The following ATF2 variants were observed in gnomAD, a reference collection of about 807,000 sequenced individuals.
ATF2 encodes the protein activating transcription factor 2.
A neutral mutation model predicts 60.6 loss-of-function variants in ATF2; 24 were observed. That is an observed-to-expected ratio of 0.40 (90% confidence interval 0.29 to 0.56). ATF2 has a LOEUF of 0.56. Ranked by LOEUF, ATF2 falls within the 20% of genes least tolerant of loss-of-function variation. The pLI is 0.54. For synonymous variants in ATF2, 206 were observed against 215.4 expected (o/e 0.96, Z 0.38); for missense variants, 433 against 607.7 (o/e 0.71, Z 3.02).
rs762468263 is a variant in ATF2, at chr2:175,114,121, AAAG to A, written c.627-16_627-14del. The stretch of plus-strand genomic sequence containing the variant: ...GCCTGGTACAGGGCTAAGAAAAACA[AAAG>A]AAGAGAAATTTTAAAAAAGAGATTC... On this transcript the variant is annotated splice_polypyrimidine_tract_variant and intron_variant, in intron 8 of 13. Coordinates refer to ENST00000264110, the MANE Select transcript of ATF2 (RefSeq NM_001880.4). The A allele has an allele frequency of 3.8e-5, 59 of 1,559,978 alleles. 1 individual carries two copies. In the East Asian group the frequency reaches 7.5e-4, roughly 20 times the overall value.
chr2:175,095,489 A>G (rs1694872492), intron 11 of ATF2, among the ~76,000 whole-genome samples: 1 of 152,208 alleles, frequency 6.6e-6, no homozygotes, highest in Admixed American at 6.5e-5. Context: ...TCATTATAGC[A>G]AAGACTAATC....
chr2:175,157,762 A>G (rs1699773464), intron 1 of ATF2, among the ~76,000 whole-genome samples: 1 of 152,180 alleles, frequency 6.6e-6, no homozygotes, highest in Non-Finnish European at 1.5e-5. Context: ...TGGGAGGCCA[A>G]GGTGGGTGGA....
chr2:175,111,386 TA>T (rs1696174359), intron 10 of ATF2, among the ~76,000 whole-genome samples, 181 bp downstream of exon 10: 1 of 152,234 alleles, frequency 6.6e-6, no homozygotes, highest in African/African-American at 2.4e-5. Context: ...AAAGTATCAC[TA>T]ACTACTCACT....
At chr2:175,136,569 C>G (rs1297016998) in intron 2 of ATF2, 83 bp from the exon 3 acceptor site, 10 of 861,956 alleles carry the variant, frequency 1.2e-5, no homozygotes, top group Non-Finnish European at 1.9e-5. Flanking sequence ...GCTCAAATTA[C>G]TCTCTGTAAC....
At chr2:175,100,725 T>C (rs926598102) in intron 10 of ATF2, among the ~76,000 whole-genome samples, 52 of 152,246 alleles carry the variant, frequency 3.4e-4, no homozygotes, top group African/African-American at 1.2e-3. Flanking sequence ...TTTACCTTTC[T>C]TAGCATTCCA....
chr2:175,136,299 G>C, intron 3 of ATF2, 113 bp downstream of exon 3: 2 of 1,022,590 alleles, frequency 2.0e-6, no homozygotes, highest in Non-Finnish European at 3.0e-6. Context: ...TAAGTGACTT[G>C]TTTTGTATGG....
intron 1 of ATF2, among the ~76,000 whole-genome samples, chr2:175,159,791 A>G (rs1413551755): frequency 9.2e-5 from 14 of 152,336 alleles, no homozygotes; most frequent in Admixed American, 5.2e-4. Context: ...CATAAATACA[A>G]AAAATTTACA....
At chr2:175,139,564 T>A (rs899604311) in intron 2 of ATF2, among the ~76,000 whole-genome samples, 1 of 150,206 alleles carries the variant, frequency 6.7e-6, no homozygotes, top group East Asian at 2.0e-4. Flanking sequence ...TCCCAGCTAC[T>A]CGGGAGGCTG....
In ATF2 at chr2:175,072,377, T is replaced by C. The variant is rs1692997415; in HGVS notation, c.*2232A>G. On this transcript the variant is annotated 3_prime_UTR_variant, in exon 14 of 14. Coordinates refer to ENST00000264110, the MANE Select transcript of ATF2 (RefSeq NM_001880.4). ...GGACTGAAAATGCTAGGTACAGAAG[T>C]AGTATGACATCCTGAAAGTCAAAAT... is the stretch of plus-strand genomic sequence containing the variant. The C allele has an allele frequency of 6.6e-6, 1 of 152,168 alleles. No homozygotes were observed. Among genetic ancestry groups the C allele is most frequent in the South Asian group, 2.1e-4 (1 of 4,832 alleles). 9.4% of individuals were successfully genotyped at this position (152,168 alleles called of 1,614,324 possible). A position where few individuals can be genotyped will look rare whatever the true frequency, so the allele number is the denominator to read the frequency against.
rs1386535885 is a variant in ATF2 at position 175,097,501 on chromosome 2, T to C, written c.921A>G (p.Ser307=). ...GHGSGLVRTQ[S]EESRPQSLQQ... is the part of the protein sequence containing the mutation. ...GTAATGACTGCGGTCGAGATTCCTC[T>C]GACTGAGTCCTAACCAATCCGCTAC... The change falls in exon 11 of 14, where the codon TCA becomes TCG. Residue 307 remains serine, a synonymous_variant. Coordinates refer to ENST00000264110, the MANE Select transcript of ATF2 (RefSeq NM_001880.4). 4 of 1,614,182 alleles carry C rather than the reference T, an allele frequency of 2.5e-6. No individual in the cohort carries two copies. Among genetic ancestry groups the C allele is most frequent in the Non-Finnish European group, 3.4e-6 (4 of 1,180,020 alleles).
chr2:175,156,623 T>C (rs1699705475), intron 1 of ATF2, among the ~76,000 whole-genome samples: 3 of 148,242 alleles, frequency 2.0e-5, no homozygotes, highest in African/African-American at 7.9e-5. Flanking sequence ...CCTTGGCTCA[T>C]AGCCAGTAAG....
chr2:175,093,300 T>C (rs1201178319), intron 11 of ATF2, 33 bp from the exon 12 acceptor site: 1 of 1,594,538 alleles, frequency 6.3e-7, no homozygotes, highest in African/African-American at 1.3e-5. Context: ...CCTGTTATAT[T>C]TGTATCTAGT....
intron 1 of ATF2, among the ~76,000 whole-genome samples, chr2:175,167,359 T>C (rs1700427398): frequency 6.6e-6 from 1 of 150,890 alleles, no homozygotes; most frequent in African/African-American, 2.4e-5. Flanking sequence ...AGAATCAGTC[T>C]GCACCCACAC....
Position 175,118,259 on chromosome 2 carries a change from T to A in ATF2, c.310A>T (p.Ile104Phe), listed in dbSNP as rs1377952600. The A allele has an allele frequency of 6.2e-7, 1 of 1,606,448 alleles. No individual in the cohort carries two copies. Among genetic ancestry groups the A allele is most frequent in the Non-Finnish European group, 8.5e-7 (1 of 1,176,902 alleles). ...NEFKKASEDD[I>F]KKMPLDLSPL... ...TCATGGTTACAACATACTTTTTTAA[T>A]GTCATCTTCTGAAGCTTTCTTGAAT... is the stretch of plus-strand genomic sequence containing the variant. The change falls in exon 6 of 14, where the codon ATT (isoleucine) becomes TTT (phenylalanine). Residue 104 changes from isoleucine to phenylalanine, a missense_variant. Physicochemically the swap from Ile to Phe is conservative, Grantham distance 21 (BLOSUM62 0). This residue lies in a region of ATF2 where 246 missense variants were observed against 309.3 expected (regional missense o/e 0.80). Transcript: ENST00000264110.
At chr2:175,139,458 G>A (rs1698354867) in intron 2 of ATF2, among the ~76,000 whole-genome samples, 1 of 152,014 alleles carries the variant, frequency 6.6e-6, no homozygotes, top group Non-Finnish European at 1.5e-5. Flanking sequence ...AATCACCTGA[G>A]GTCAGGAGTT....
At chr2:175,099,286 T>C (rs1407796212) in intron 10 of ATF2, among the ~76,000 whole-genome samples, 1 of 152,058 alleles carries the variant, frequency 6.6e-6, no homozygotes, top group Non-Finnish European at 1.5e-5. Context: ...GTATTTTTAA[T>C]AGAGACAGGG....
intron 2 of ATF2, among the ~76,000 whole-genome samples, chr2:175,145,273 C>T (rs919470598): frequency 6.6e-6 from 1 of 152,106 alleles, no homozygotes; most frequent in Non-Finnish European, 1.5e-5. Flanking sequence ...TTGTAATCTT[C>T]AATGTTGGAG....
At chr2:175,101,686 T>C (rs1238884254) in intron 10 of ATF2, among the ~76,000 whole-genome samples, 1 of 152,176 alleles carries the variant, frequency 6.6e-6, no homozygotes, top group African/African-American at 2.4e-5. Flanking sequence ...GGCAAGTTAC[T>C]ACCTTATAAA....
intron 4 of ATF2, among the ~76,000 whole-genome samples, chr2:175,123,700 C>G (rs1271955864): frequency 6.6e-6 from 1 of 151,906 alleles, no homozygotes; most frequent in African/African-American, 2.4e-5. Flanking sequence ...AGGGAGAATG[C>G]AAGGAATATG....
Sources: gnomAD v4.1 joint callset for allele counts (sites outside exome capture counted in the v4.1 genomes callset) on GRCh38, gnomAD v4.1.1 for gene constraint, gnomAD v4.1.1 regional missense constraint, MANE v1.5 for transcripts, NCBI Gene and HGNC (gene_info 2026-07-23, HGNC 2026-07-21) for gene names.